The following ZC3H12B variants were observed in gnomAD, a reference collection of about 807,000 sequenced individuals.
ZC3H12B encodes the protein zinc finger CCCH-type containing 12B.
In ZC3H12B, 7 loss-of-function variants were observed where a neutral mutation model predicts 43.9. The observed-to-expected ratio is 0.16, with a 90% CI of 0.09 to 0.30. The LOEUF is 0.30. Among genes scored for constraint, ZC3H12B ranks in the 10% least tolerant of loss-of-function variants. The pLI is 1.00. For synonymous variants in ZC3H12B, 222 were observed against 241.7 expected (o/e 0.92, Z 0.76); for missense variants, 475 against 670.2 (o/e 0.71, Z 3.22).
At chrX:65,480,715 G>A (rs181693601) in intron 3 of ZC3H12B, among the ~76,000 whole-genome samples, 62 of 110,481 alleles carry the variant, frequency 5.6e-4, no homozygotes, top group African/African-American at 1.9e-3. Flanking sequence ...GCATGGTGGC[G>A]GATGTCTGTA....
the ZC3H12B span, among the ~76,000 whole-genome samples, chrX:65,118,017 T>G: frequency 1.8e-5 from 2 of 111,907 alleles, no homozygotes; most frequent in Non-Finnish European, 3.8e-5. Context: ...CTTTGTTCTT[T>G]TAGCTTAGGA....
the ZC3H12B span, among the ~76,000 whole-genome samples, chrX:65,334,544 T>A: frequency 1.8e-5 from 2 of 112,435 alleles, no homozygotes; most frequent in East Asian, 2.8e-4. Context: ...ATTTTTTGCT[T>A]TTCTGAAAAA....
chrX:65,433,151 T>A (rs958830380), intron 3 of ZC3H12B, among the ~76,000 whole-genome samples: 18 of 112,755 alleles, frequency 1.6e-4, no homozygotes, highest in African/African-American at 5.5e-4. Flanking sequence ...AAACCACATC[T>A]GGTACAGCAG....
chrX:65,154,177 A>G, the ZC3H12B span, among the ~76,000 whole-genome samples: 1 of 111,686 alleles, frequency 9.0e-6, no homozygotes, highest in Non-Finnish European at 1.9e-5. Context: ...ACATGTATAC[A>G]TATGTAACTA....
chrX:65,094,904 C>T, the ZC3H12B span, among the ~76,000 whole-genome samples: 5 of 111,814 alleles, frequency 4.5e-5, no homozygotes, highest in Non-Finnish European at 9.4e-5. Flanking sequence ...AGCCATTTTA[C>T]TTATGGAATT....
the ZC3H12B span, among the ~76,000 whole-genome samples, chrX:65,037,068 T>C: frequency 9.1e-6 from 1 of 109,676 alleles, no homozygotes; most frequent in Non-Finnish European, 1.9e-5. Context: ...TACCAGGTAT[T>C]GTGGAGAATA....
the ZC3H12B span, among the ~76,000 whole-genome samples, chrX:65,328,803 G>GT: frequency 9.8e-6 from 1 of 102,384 alleles, no homozygotes; most frequent in African/African-American, 3.6e-5. Flanking sequence ...GCGGTGTTTG[G>GT]TTTTTTGTCC....
chrX:65,066,891 C>T, the ZC3H12B span, among the ~76,000 whole-genome samples: 2 of 111,781 alleles, frequency 1.8e-5, no homozygotes, highest in East Asian at 2.8e-4. Context: ...TGCTGCCCTG[C>T]GGTGGGCTCT....
At chrX:65,090,214 G>T in the ZC3H12B span, among the ~76,000 whole-genome samples, 7 of 111,723 alleles carry the variant, frequency 6.3e-5, no homozygotes, top group Non-Finnish European at 1.1e-4. Flanking sequence ...CTACATTGTT[G>T]CAGTGACTGT....
the ZC3H12B span, among the ~76,000 whole-genome samples, chrX:65,121,292 G>C: frequency 1.8e-5 from 2 of 110,981 alleles, no homozygotes; most frequent in African/African-American, 6.6e-5. Context: ...GAGTTTTTTT[G>C]GTTGGTAAGG....
At chrX:65,176,455 G>A in the ZC3H12B span, among the ~76,000 whole-genome samples, 8 of 111,471 alleles carry the variant, frequency 7.2e-5, no homozygotes, top group Admixed American at 9.6e-5. Flanking sequence ...AGTTGTGGGC[G>A]CAACTTCTGC....
the ZC3H12B span, among the ~76,000 whole-genome samples, chrX:65,277,259 G>A: frequency 5.4e-5 from 6 of 111,521 alleles, no homozygotes; most frequent in Admixed American, 2.9e-4. Context: ...ACTGTAATAC[G>A]GTAATAGTTG....
intron 3 of ZC3H12B, among the ~76,000 whole-genome samples, chrX:65,464,189 G>T: frequency 8.9e-6 from 1 of 112,271 alleles, no homozygotes; most frequent in African/African-American, 3.2e-5. Context: ...AAAATTAAAA[G>T]CATTTTCATA....
chrX:65,260,179 T>C, the ZC3H12B span, among the ~76,000 whole-genome samples: 6 of 110,535 alleles, frequency 5.4e-5, no homozygotes, highest in East Asian at 1.7e-3. Flanking sequence ...AGAGAACTTA[T>C]TAATATAATA....
intron 3 of ZC3H12B, among the ~76,000 whole-genome samples, chrX:65,426,800 G>C (rs1210248576): frequency 8.9e-6 from 1 of 112,002 alleles, no homozygotes; most frequent in Admixed American, 9.5e-5. Context: ...TCTTAATCTT[G>C]ATTTTTAATT....
chrX:65,087,048 C>A, the ZC3H12B span, among the ~76,000 whole-genome samples: 1 of 110,415 alleles, frequency 9.1e-6, no homozygotes, highest in African/African-American at 3.3e-5. Context: ...CTCTCTAACA[C>A]ACCCAGGCTC....
At chrX:65,322,257 TC>T in the ZC3H12B span, among the ~76,000 whole-genome samples, 1 of 110,987 alleles carries the variant, frequency 9.0e-6, no homozygotes, top group Non-Finnish European at 1.9e-5. Context: ...TCACCCACCA[TC>T]CCCCACCTTT....
the ZC3H12B span, among the ~76,000 whole-genome samples, chrX:65,064,642 T>C: frequency 8.9e-6 from 1 of 111,924 alleles, no homozygotes; most frequent in South Asian, 3.8e-4. Flanking sequence ...GGAGAGTCTG[T>C]AGATGTCTAT....
intron 2 of ZC3H12B, among the ~76,000 whole-genome samples, chrX:65,396,115 A>G (rs936748205): frequency 9.0e-6 from 1 of 110,567 alleles, no homozygotes; most frequent in Non-Finnish European, 1.9e-5. Context: ...CTATTTTGTT[A>G]ATCTTTTCAA....
Sources: allele counts gnomAD v4.1 joint callset (sites outside exome capture counted in the v4.1 genomes callset), GRCh38; gene constraint gnomAD v4.1.1; transcripts MANE v1.5; gene names NCBI Gene and HGNC (gene_info 2026-07-23, HGNC 2026-07-21).